Variants in ERN1 observed in about 807,000 individuals in gnomAD.
The protein encoded by ERN1 is endoplasmic reticulum to nucleus signaling 1, also known as serine/threonine-protein kinase/endoribonuclease IRE1.
Under a neutral mutation model 113.1 loss-of-function variants are expected in ERN1, and 39 were observed. That is an observed-to-expected ratio of 0.34 (90% CI 0.27 to 0.45). The LOEUF (loss-of-function observed/expected upper bound fraction) is 0.45, where lower values mean the gene tolerates loss of function less well. ERN1 is among the 20% of genes least tolerant of loss of function. The pLI is 1.00. For synonymous variants in ERN1, 507 were observed against 515.9 expected, an observed-to-expected ratio of 0.98 and a Z score of 0.23; for missense variants, 976 against 1,274.8, an observed-to-expected ratio of 0.77 and a Z score of 3.57.
chr17:64,075,251 TA>T lies in ERN1; in HGVS notation c.283-5del, dbSNP rs5821420. ...CTGGGATGGTAAAAGGAAGTTTCTT[TA>T]AAAAAAAAAAAAAAGAAAAAAAAAA... On this transcript the variant is annotated splice_polypyrimidine_tract_variant and splice_region_variant and intron_variant, in intron 4 of 21. Transcript: ENST00000433197. The T allele has an allele frequency of 0.017, 21,305 of 1,274,216 alleles. No homozygotes were observed. The highest frequency in any genetic ancestry group is 0.029 in the African/African-American group (1,572 of 54,900). 78.9% of individuals were successfully genotyped at this position (1,274,216 alleles called of 1,614,324 possible).
At chr17:64,046,853 G>A (rs112664645) in intron 19 of ERN1, among the ~76,000 whole-genome samples, 47 of 152,220 alleles carry the variant, frequency 3.1e-4, no homozygotes, top group African/African-American at 1.0e-3. Context: ...GGCAGGAGGC[G>A]TTCGGGTGAG....
chr17:64,129,646 T>C, intron 1 of ERN1: 2 of 370,356 alleles, frequency 5.4e-6, no homozygotes, highest in Admixed American at 4.6e-5. Flanking sequence ...CGGGGCCTTC[T>C]GGGACCCCCA....
At chr17:64,123,909 T>C (rs777701362) in intron 1 of ERN1, among the ~76,000 whole-genome samples, 14 of 152,314 alleles carry the variant, frequency 9.2e-5, no homozygotes, top group East Asian at 1.9e-4. Context: ...ATTAAGCTGA[T>C]TGACATAGAT....
chr17:64,103,844 A>G (rs1914450440), intron 1 of ERN1, among the ~76,000 whole-genome samples: 1 of 152,238 alleles, frequency 6.6e-6, no homozygotes, highest in Admixed American at 6.5e-5. Context: ...AACAAATGAA[A>G]TGGCCTCTAA....
intron 4 of ERN1, among the ~76,000 whole-genome samples, chr17:64,076,661 G>A (rs890596982): frequency 5.3e-5 from 8 of 150,620 alleles, no homozygotes; most frequent in African/African-American, 1.2e-4. Context: ...GTGCAGTGGC[G>A]TGATCTCGGC....
intron 1 of ERN1, among the ~76,000 whole-genome samples, chr17:64,110,551 G>A (rs916428703): frequency 2.6e-5 from 4 of 152,148 alleles, no homozygotes; most frequent in Non-Finnish European, 5.9e-5. Flanking sequence ...TTTAATGTCA[G>A]TGCCAAGGAA....
intron 1 of ERN1, among the ~76,000 whole-genome samples, chr17:64,126,105 T>G (rs1048448676): frequency 6.6e-6 from 1 of 152,124 alleles, no homozygotes; most frequent in Non-Finnish European, 1.5e-5. Context: ...CTGGGAAATA[T>G]TTCCAACCAG....
At chr17:64,103,496 C>CAA (rs11303108) in intron 1 of ERN1, among the ~76,000 whole-genome samples, 11 of 62,228 alleles carry the variant, frequency 1.8e-4, no homozygotes, top group African/African-American at 3.5e-4. Context: ...GACTCCATCT[C>CAA]AAAAAAAAAA....
chr17:64,073,810 A>T (rs1567870718), intron 5 of ERN1, among the ~76,000 whole-genome samples: 2 of 152,114 alleles, frequency 1.3e-5, no homozygotes, highest in African/African-American at 4.8e-5. Flanking sequence ...CTGATTTTTT[A>T]AAAATGTTTC....
intron 1 of ERN1, among the ~76,000 whole-genome samples, chr17:64,119,961 T>C (rs1419084335): frequency 6.6e-6 from 1 of 152,104 alleles, no homozygotes; most frequent in Non-Finnish European, 1.5e-5. Context: ...CTTTCATTGT[T>C]GCCCAGTCTG....
chr17:64,107,549 T>A (rs1473887939), intron 1 of ERN1, among the ~76,000 whole-genome samples: 1 of 152,198 alleles, frequency 6.6e-6, no homozygotes. Context: ...GTTGAACTCC[T>A]GGGCTCAAGC....
In ERN1 at chr17:64,044,059, T is replaced by C; in HGVS notation, c.2863A>G (p.Arg955Gly). The C allele has an allele frequency of 6.2e-7, 1 of 1,613,642 alleles. No individual in the cohort carries two copies. Among genetic ancestry groups the C allele is most frequent in the Non-Finnish European group, 8.5e-7 (1 of 1,179,780 alleles). Residue 955 changes from arginine (R) to glycine (G), a missense_variant, in exon 22 of 22, where the codon AGA becomes GGA. Around this residue, in one of 5 missense-constraint regions of ERN1, gnomAD observed 92 missense variants for 87.3 expected, o/e 1.05. Coordinates refer to ENST00000433197, the MANE Select transcript of ERN1 (RefSeq NM_001433.5). The surrounding 1 kb of genome is among the most constrained non-coding windows in gnomAD (Gnocchi z 4.1). Reference protein sequence around the residue: ...YRAMELCSHERLFQPYYFHEP... With the variant: ...YRAMELCSHEGLFQPYYFHEP... ...TGGAAGTAGTAGGGCTGGAAGAGTC[T>C]CTCGTGGCTGCACAGCTCCATGGCC...
At position 64,042,896 on chromosome 17, in the gene ERN1, T is replaced by A. The variant is rs1310746483; in HGVS notation, c.*1092A>T. 6.6e-6 allele frequency: 1 copy of A among 152,246 alleles called. No individual in the cohort carries two copies. The highest frequency in any genetic ancestry group is 1.5e-5 in the Non-Finnish European group (1 of 68,052). 9.4% of individuals were successfully genotyped at this position (152,246 alleles called of 1,614,324 possible). On this transcript the variant is annotated 3_prime_UTR_variant, in exon 22 of 22. Coordinates refer to ENST00000433197, the MANE Select transcript of ERN1 (RefSeq NM_001433.5). ...CAAGAAAGCTTCAAGTTTAGCTTAC[T>A]TATGCTGACATAGCATTCTACAGTA...
Position 64,087,819 on chromosome 17 carries a change from G to C in ERN1, c.176-7011C>G, listed in dbSNP as rs371864732. Among the ~76,000 whole-genome samples, 32 of 152,264 alleles carry C rather than the reference G, an allele frequency of 2.1e-4. 1 individual carries two copies. The South Asian group carries it at 6.4e-3, about 31-fold the overall frequency. On this transcript the variant is annotated intron_variant, in intron 2 of 21. Coordinates refer to ENST00000433197, the MANE Select transcript of ERN1 (RefSeq NM_001433.5). ...TAATTCTGAAGAGCCTGCTCTTCCA[G>C]TTGCACAGGGCACAGAGAGACTGAA...
At chr17:64,045,786 C>T (rs1334125280) in intron 19 of ERN1, among the ~76,000 whole-genome samples, 1 of 152,112 alleles carries the variant, frequency 6.6e-6, no homozygotes, top group African/African-American at 2.4e-5. Flanking sequence ...TGTACGGAGC[C>T]GCAAGTGCAA....
chr17:64,078,649 G>T (rs911976336), intron 4 of ERN1, among the ~76,000 whole-genome samples: 1 of 152,020 alleles, frequency 6.6e-6, no homozygotes, highest in Non-Finnish European at 1.5e-5. Context: ...GTTGTAGGGG[G>T]GTAGGAGTCA....
At chr17:64,100,587 A>G (rs1914359343) in intron 1 of ERN1, among the ~76,000 whole-genome samples, 1 of 152,140 alleles carries the variant, frequency 6.6e-6, no homozygotes, top group Non-Finnish European at 1.5e-5. Flanking sequence ...CCTGGCCAAC[A>G]TGGTGAAAAC....
chr17:64,067,864 T>C (rs1411648147), intron 7 of ERN1: 4 of 219,130 alleles, frequency 1.8e-5, no homozygotes, highest in Non-Finnish European at 3.7e-5. Flanking sequence ...ACAGGGTTGT[T>C]AATGTCCTAT....
rs1225055966 is a variant in ERN1 at position 64,129,534 on chromosome 17, C to T, written c.54+442G>A. On this transcript the variant is annotated intron_variant, in intron 1 of 21. Coordinates refer to ENST00000433197, the MANE Select transcript of ERN1 (RefSeq NM_001433.5). The stretch of plus-strand genomic sequence containing the variant: ...TCGAAGCGCAGGACAGACCCTTCCC[C>T]TGGATCCCAACGCCCTTTCGGCTCC... The T allele has an allele frequency of 8.9e-6, 3 of 335,726 alleles. No individual in the cohort carries two copies. The East Asian group carries it at 1.4e-4, about 15-fold the overall frequency. The allele number at this position is 335,726 out of a possible 1,614,324, so 20.8% of individuals were successfully genotyped here. A position where few individuals can be genotyped will look rare whatever the true frequency, so the allele number is the denominator to read the frequency against.
Sources: allele counts gnomAD v4.1 joint callset (sites outside exome capture counted in the v4.1 genomes callset), GRCh38; gene constraint gnomAD v4.1.1; regional missense constraint gnomAD v4.1.1; non-coding constraint Gnocchi (gnomAD v3.1); transcripts MANE v1.5; gene names NCBI Gene and HGNC (gene_info 2026-07-23, HGNC 2026-07-21).